ZNF385D: variants seen among roughly 807,000 people sequenced by gnomAD.
The protein encoded by ZNF385D is zinc finger protein 385D, also known as zinc finger protein 659.
Under a neutral mutation model 35.8 loss-of-function variants are expected in ZNF385D, and 15 were observed. The observed-to-expected ratio is 0.42, with a 90% CI of 0.28 to 0.64. The LOEUF (loss-of-function observed/expected upper bound fraction) is 0.64. Ranked by LOEUF, ZNF385D falls within the 30% of genes least tolerant of loss-of-function variation. ZNF385D has a pLI of 0.23. For missense variants in ZNF385D, 474 were observed against 494.6 expected (o/e 0.96, Z 0.39); for synonymous variants, 212 against 186.8 (o/e 1.13, Z -1.10).
At chr3:21,845,408 C>T (rs1327908645) in intron 3 of ZNF385D, among the ~76,000 whole-genome samples, 1 of 151,964 alleles carries the variant, frequency 6.6e-6, no homozygotes, top group East Asian at 1.9e-4. Flanking sequence ...ATTATATTTT[C>T]TCTCTCTTCT....
intron 3 of ZNF385D, among the ~76,000 whole-genome samples, chr3:21,531,790 G>T (rs1396883051): frequency 6.6e-6 from 1 of 152,200 alleles, no homozygotes; most frequent in African/African-American, 2.4e-5. Context: ...CTAAGGCAAT[G>T]AAGCTATTCT....
chr3:22,026,332 G>A lies in ZNF385D; in HGVS notation c.325+142485C>T, dbSNP rs111877640. 7.6e-3 allele frequency among the ~76,000 whole-genome samples: 1,164 copies of A among 152,204 alleles called. 13 individuals carry two copies. Among genetic ancestry groups the A allele is most frequent in the African/African-American group, 0.025 (1,030 of 41,532 alleles). On this transcript the variant is annotated intron_variant, in intron 3 of 5. Transcript: ENST00000494108. ...TGAGAAAGGACCCCCCTACATTACC[G>A]ACAATTTATGTGGTGAATCTTTCTC...
chr3:22,339,828 C>G (rs949933400), intron 2 of ZNF385D, among the ~76,000 whole-genome samples: 1 of 152,196 alleles, frequency 6.6e-6, no homozygotes, highest in East Asian at 1.9e-4. Context: ...CTGCAGCCAG[C>G]TTTTGATACT....
At chr3:21,928,330 A>G (rs116288034) in intron 3 of ZNF385D, among the ~76,000 whole-genome samples, 13,718 of 129,898 alleles carry the variant, frequency 0.11, 943 homozygotes, top group South Asian at 0.21. Context: ...GAAGGAAGGA[A>G]GGAGGGAGGG....
chr3:21,980,551 A>G (rs1694374194), intron 3 of ZNF385D, among the ~76,000 whole-genome samples: 1 of 152,188 alleles, frequency 6.6e-6, no homozygotes. Flanking sequence ...CATATCAGCC[A>G]TATGGTTCAA....
chr3:22,243,124 A>G lies in ZNF385D; in HGVS notation c.107-74089T>C, dbSNP rs189887955. On this transcript the variant is annotated intron_variant, in intron 2 of 5. Transcript: ENST00000494108. ...ATGGGAGAAAATATTTGCAAATCAT[A>G]TATGTGGTAAGGGTCTAGTATCTAG... Among the ~76,000 whole-genome samples the G allele has an allele frequency of 4.3e-3, 653 of 151,116 alleles. 34 individuals are homozygous for G. In the South Asian group the frequency reaches 0.045, roughly 10 times the overall value.
At chr3:22,037,112 TG>T (rs1299098132) in intron 3 of ZNF385D, among the ~76,000 whole-genome samples, 3 of 152,140 alleles carry the variant, frequency 2.0e-5, no homozygotes, top group Non-Finnish European at 2.9e-5. Context: ...AGTCTATCGT[TG>T]TTGGGTATTT....
In ZNF385D at chr3:22,366,235, C is replaced by T. The variant is rs549083196; in HGVS notation, c.106+6215G>A. On this transcript the variant is annotated intron_variant, in intron 2 of 5. Coordinates refer to the ZNF385D transcript ENST00000494108. Reference sequence around the variant, plus strand: ...AAATGCTGAGGTTAAACATAAAGAGCCAACTACACCCAATACAAGTACTCA... The same window carrying T: ...AAATGCTGAGGTTAAACATAAAGAGTCAACTACACCCAATACAAGTACTCA... Among the ~76,000 whole-genome samples, 3 of 152,058 alleles carry T rather than the reference C, an allele frequency of 2.0e-5. No individual in the cohort carries two copies. In the South Asian group the frequency reaches 6.2e-4, roughly 32 times the overall value.
intron 3 of ZNF385D, among the ~76,000 whole-genome samples, chr3:22,142,192 A>G (rs181102729): frequency 7.9e-4 from 121 of 152,266 alleles, no homozygotes; most frequent in African/African-American, 2.8e-3. Context: ...GTACCATGTT[A>G]TATTTTCTTC....
chr3:22,123,615 T>C (rs1703227618), intron 3 of ZNF385D, among the ~76,000 whole-genome samples: 1 of 152,152 alleles, frequency 6.6e-6, no homozygotes, highest in African/African-American at 2.4e-5. Flanking sequence ...ATCCCAACAC[T>C]ATGGGAGGCC....
At chr3:22,194,434 T>A (rs1696267221) in intron 2 of ZNF385D, among the ~76,000 whole-genome samples, 1 of 151,918 alleles carries the variant, frequency 6.6e-6, no homozygotes, top group Admixed American at 6.6e-5. Context: ...TTCCCTCAAA[T>A]GGCTAACCAA....
rs1702819382 is a variant in ZNF385D, at chr3:21,456,477, G to A, written c.440-19274C>T. Among the ~76,000 whole-genome samples, 9 of 151,996 alleles carry A rather than the reference G, an allele frequency of 5.9e-5. No homozygotes were observed. In the South Asian group the frequency reaches 1.7e-3, roughly 28 times the overall value. On this transcript the variant is annotated intron_variant, in intron 4 of 7. Transcript: ENST00000281523. Reference sequence around the variant, plus strand: ...TGGAAACCATCACTCTCAGCAAACTGTCACAAGGACAAAAAACCAAACACC... The same window carrying A: ...TGGAAACCATCACTCTCAGCAAACTATCACAAGGACAAAAAACCAAACACC...
chr3:21,869,364 A>G (rs1367757058), intron 3 of ZNF385D, among the ~76,000 whole-genome samples: 1 of 152,118 alleles, frequency 6.6e-6, no homozygotes, highest in African/African-American at 2.4e-5. Context: ...TGTATTAACT[A>G]ATGTCCCACA....
intron 2 of ZNF385D, among the ~76,000 whole-genome samples, chr3:21,580,371 C>G (rs11129010): frequency 0.2 from 30,449 of 152,062 alleles, 3,823 homozygotes; most frequent in Non-Finnish European, 0.28. Flanking sequence ...ACTAACCAGA[C>G]TGCAAACAAT....
intron 2 of ZNF385D, among the ~76,000 whole-genome samples, chr3:22,268,374 C>T (rs1220356339): frequency 6.6e-6 from 1 of 151,910 alleles, no homozygotes; most frequent in African/African-American, 2.4e-5. Context: ...TGTTATAGTA[C>T]ATGAAAGCAT....
chr3:21,722,999 G>C (rs755520644), intron 1 of ZNF385D, among the ~76,000 whole-genome samples: 1 of 152,136 alleles, frequency 6.6e-6, no homozygotes, highest in Non-Finnish European at 1.5e-5. Context: ...ACCCAGCCAT[G>C]TGCTTCCTTC....
intron 3 of ZNF385D, among the ~76,000 whole-genome samples, chr3:21,903,617 T>C (rs906075508): frequency 6.6e-6 from 1 of 152,208 alleles, no homozygotes; most frequent in Non-Finnish European, 1.5e-5. Context: ...TCAAAATTCA[T>C]TGAACTGTAC....
chr3:21,908,269 G>A (rs139819605), intron 3 of ZNF385D, among the ~76,000 whole-genome samples: 20 of 151,958 alleles, frequency 1.3e-4, no homozygotes, highest in Non-Finnish European at 2.5e-4. Flanking sequence ...AGAAAAAGAC[G>A]TAAGGAAAAG....
In ZNF385D at chr3:21,636,414, A is replaced by ATATATATATATATATATATATAT. The variant is rs56114816; in HGVS notation, c.165+28471_165+28472insATATATATATATATATATATATA. 1.3e-3 allele frequency among the ~76,000 whole-genome samples: 84 copies of ATATATATATATATATATATATAT among 64,478 alleles called. 1 individual carries two copies. Among genetic ancestry groups the ATATATATATATATATATATATAT allele is most frequent in the African/African-American group, 3.5e-3 (58 of 16,576 alleles). 42.3% of individuals were successfully genotyped at this position (64,478 alleles called of 152,430 possible). A position where few individuals can be genotyped will look rare whatever the true frequency, so the allele number is the denominator to read the frequency against. On this transcript the variant is annotated intron_variant, in intron 2 of 7. Transcript: ENST00000281523. Reference sequence around the variant, plus strand: ...TATATATATATATATATATATATATAGAGTTTCTTAAGGAGTATTAACTCA... The same window carrying ATATATATATATATATATATATAT: ...TATATATATATATATATATATATATATATATATATATATATATATATATGAGTTTCTTAAGGAGTATTAACTCA...
Sources: allele counts gnomAD v4.1 joint callset (sites outside exome capture counted in the v4.1 genomes callset), GRCh38; gene constraint gnomAD v4.1.1; transcripts MANE v1.5; gene names NCBI Gene and HGNC (gene_info 2026-07-23, HGNC 2026-07-21).